GAS2L2: variants seen among roughly 807,000 people sequenced by gnomAD.
GAS2L2 encodes the protein GAS2-like protein 2.
In GAS2L2, 21 loss-of-function variants were observed where a neutral mutation model predicts 35.2. That is an observed-to-expected ratio of 0.60 (90% confidence interval 0.42 to 0.86). GAS2L2 has a LOEUF of 0.86. Among genes scored for constraint, GAS2L2 ranks in the 40% least tolerant of loss-of-function variants. The pLI is 0.00. For synonymous variants in GAS2L2, 490 were observed against 473.2 expected, an observed-to-expected ratio of 1.04 and a Z score of -0.46; for missense variants, 1,169 against 1,144.4, an observed-to-expected ratio of 1.02 and a Z score of -0.31.
chr17:35,748,730 A>G (rs1445800631), intron 3 of GAS2L2, among the ~76,000 whole-genome samples: 2 of 152,168 alleles, frequency 1.3e-5, no homozygotes, highest in African/African-American at 4.8e-5. Flanking sequence ...CTGTGGGTGG[A>G]GTGGAATGGA....
At position 35,753,121 on chromosome 17, in the gene GAS2L2, TG is replaced by T. The variant is rs1555600033; in HGVS notation, c.-272del. Among the ~76,000 whole-genome samples, 1 of 152,160 alleles carries T rather than the reference TG, an allele frequency of 6.6e-6. No individual in the cohort carries two copies. Among genetic ancestry groups the T allele is most frequent in the African/African-American group, 2.4e-5 (1 of 41,434 alleles). ...TTGCTCTCAGGCTGCCCAGTCCACT[TG>T]GAGTTCACCCCTCTGAGGCCAGATG... On this transcript the variant is annotated 5_prime_UTR_variant, in exon 1 of 6. Coordinates refer to ENST00000604641, the MANE Select transcript of GAS2L2 (RefSeq NM_139285.4).
At chr17:35,751,321 CT>C (rs1555599747) in intron 1 of GAS2L2, among the ~76,000 whole-genome samples, 2 of 152,294 alleles carry the variant, frequency 1.3e-5, no homozygotes. Context: ...GCCTTTGCCC[CT>C]GTCATCCCCC....
intron 3 of GAS2L2, 49 bp downstream of exon 3, chr17:35,749,061 G>T (rs782784871): frequency 1.6e-6 from 2 of 1,237,070 alleles, no homozygotes; most frequent in South Asian, 1.3e-5. Context: ...CCCAAGCCTG[G>T]GCAAGAAACC....
At position 35,745,233 on chromosome 17, in the gene GAS2L2, A is replaced by C; in HGVS notation, c.2264T>G (p.Leu755Arg). The C allele has an allele frequency of 6.2e-7, 1 of 1,605,826 alleles. No individual in the cohort carries two copies. The highest frequency in any genetic ancestry group is 8.5e-7 in the Non-Finnish European group (1 of 1,174,968). The change falls in exon 6 of 6, where the codon CTG becomes CGG. Residue 755 changes from leucine to arginine, a missense_variant. By Grantham distance (102) the Leu-to-Arg change is moderately radical. Transcript: ENST00000604641. ...CCGGAGAGTTCTCCTGCCCTTGCTC[A>C]GACATGCCTTGGCTTTGTCAGAGTT... ...DPNSDKAKAC[L>R]SKGRRTLRKP...
intron 4 of GAS2L2, among the ~76,000 whole-genome samples, chr17:35,747,519 AG>A (rs1192710384): frequency 3.9e-5 from 6 of 152,088 alleles, no homozygotes; most frequent in Admixed American, 6.6e-5. Context: ...GAGTGGCTGG[AG>A]GCGTTGATGG....
rs782400705 is a variant in GAS2L2, at chr17:35,750,188, C to A, written c.516G>T (p.Glu172Asp). 1.2e-6 allele frequency: 2 copies of A among 1,613,436 alleles called. No homozygotes were observed. The highest frequency in any genetic ancestry group is 4.5e-5 in the East Asian group (2 of 44,836). Residue 172 changes from glutamate to aspartate, a missense_variant, in exon 2 of 6, where the codon GAG becomes GAT. By Grantham distance (45) the Glu-to-Asp change is conservative (BLOSUM62 2). This residue lies in a region of GAS2L2 where 1,035 missense variants were observed against 976.5 expected (regional missense o/e 1.06). Coordinates refer to ENST00000604641, the MANE Select transcript of GAS2L2 (RefSeq NM_139285.4). Reference protein sequence around the residue: ...GVAAPTLVQLEEEIEEEVRRE... With the variant: ...GVAAPTLVQLDEEIEEEVRRE... ...GCCGCACCTCCTCCTCGATCTCCTC[C>A]TCCAGCTGCACGAGTGTGGGCGCCG... is the stretch of plus-strand genomic sequence containing the variant.
chr17:35,744,684 T>TG lies in GAS2L2; in HGVS notation c.*169dup, dbSNP rs1225467425. On this transcript the variant is annotated 3_prime_UTR_variant, in exon 6 of 6. Coordinates refer to ENST00000604641, the MANE Select transcript of GAS2L2 (RefSeq NM_139285.4). ...TGGAGTTGGAGTGAGAGCAGTGGGT[T>TG]GCCCCTTTGCTCAGATGAGCAGATG... 2 of 611,850 alleles carry TG rather than the reference T, an allele frequency of 3.3e-6. No homozygotes were observed. Among genetic ancestry groups the TG allele is most frequent in the Admixed American group, 5.9e-5 (2 of 33,974 alleles). The allele number at this position is 611,850 out of a possible 1,614,324, so 37.9% of individuals were successfully genotyped here. A position where few individuals can be genotyped will look rare whatever the true frequency, so the allele number is the denominator to read the frequency against.
Position 35,744,847 on chromosome 17 carries a change from A to T in GAS2L2, c.*7T>A, listed in dbSNP as rs782469622. The T allele has an allele frequency of 1.1e-5, 17 of 1,567,174 alleles. No homozygotes were observed. In the East Asian group the frequency reaches 4.0e-4, roughly 37 times the overall value. ...TGCTTCCCTCCTACCCAACACGCTC[A>T]TGTGCCTCAGACCCAGGACTCCTCC... On this transcript the variant is annotated 3_prime_UTR_variant, in exon 6 of 6. Coordinates refer to ENST00000604641, the MANE Select transcript of GAS2L2 (RefSeq NM_139285.4).
chr17:35,745,959 G>T lies in GAS2L2; in HGVS notation c.1538C>A (p.Pro513Gln), dbSNP rs1412217590. Residue 513 changes from proline (P) to glutamine (Q), a missense_variant, in exon 6 of 6, where the codon CCA becomes CAA. Physicochemically the swap from Pro to Gln is moderately conservative, Grantham distance 76 (BLOSUM62 -1). Coordinates refer to ENST00000604641, the MANE Select transcript of GAS2L2 (RefSeq NM_139285.4). ...IPIRLPPARP[P>Q]TPGRSFPGAT... Reference sequence around the variant, plus strand: ...ACCAGGAAAGCTCCTTCCTGGTGTTGGGGGGCGAGCAGGGGGCAGCCGGAT... The same window carrying T: ...ACCAGGAAAGCTCCTTCCTGGTGTTTGGGGGCGAGCAGGGGGCAGCCGGAT... 5 of 1,605,498 alleles carry T rather than the reference G, an allele frequency of 3.1e-6. No individual in the cohort carries two copies. In the African/African-American group the frequency reaches 6.7e-5, roughly 21 times the overall value.
chr17:35,749,347 G>A (rs1555599447), intron 2 of GAS2L2, 130 bp from the exon 3 acceptor site: 1 of 620,358 alleles, frequency 1.6e-6, no homozygotes, highest in East Asian at 2.7e-5. Context: ...AGCAAGGAGG[G>A]AGTAGATAAG....
chr17:35,745,602 C>A lies in GAS2L2; in HGVS notation c.1895G>T (p.Arg632Leu), dbSNP rs782306915. The A allele has an allele frequency of 6.2e-7, 1 of 1,613,820 alleles. No individual in the cohort carries two copies. The highest frequency in any genetic ancestry group is 8.5e-7 in the Non-Finnish European group (1 of 1,180,020). The part of the protein sequence containing the change: ...PQGTRSGVIP[R>L]SGVYIPRLAG... ...CAGCCTGGGGATGTAGACCCCACTGCGAGGGATGACCCCAGACCTTGTGCC... is the reference window on the plus strand; with the variant it reads ...CAGCCTGGGGATGTAGACCCCACTGAGAGGGATGACCCCAGACCTTGTGCC... The change falls in exon 6 of 6, where the codon CGC (arginine) becomes CTC (leucine). Residue 632 changes from arginine to leucine, a missense_variant. Transcript: ENST00000604641.
At position 35,752,868 on chromosome 17, in the gene GAS2L2, G is replaced by T; in HGVS notation, c.-18C>A. ...TGGGACATGGCTGGACCCCAGCAGGGCAGGAGGTGGGCACCTCCCCTCTCC... is the reference window on the plus strand; with the variant it reads ...TGGGACATGGCTGGACCCCAGCAGGTCAGGAGGTGGGCACCTCCCCTCTCC... On this transcript the variant is annotated 5_prime_UTR_variant, in exon 1 of 6. Transcript: ENST00000604641. 1.3e-6 allele frequency: 2 copies of T among 1,571,206 alleles called. No homozygotes were observed. Among genetic ancestry groups the T allele is most frequent in the Non-Finnish European group, 1.7e-6 (2 of 1,155,898 alleles).
In GAS2L2 at chr17:35,752,802, G is replaced by A. The variant is rs782097842; in HGVS notation, c.49C>T (p.Pro17Ser). The A allele has an allele frequency of 6.2e-7, 1 of 1,612,898 alleles. No individual in the cohort carries two copies. The highest frequency in any genetic ancestry group is 8.5e-7 in the Non-Finnish European group (1 of 1,179,574). ...TTGAAAGGCCGGATACTGCACACAGGCGGCCCTAGGGTCCTGGGCTTCCTC... is the reference window on the plus strand; with the variant it reads ...TTGAAAGGCCGGATACTGCACACAGACGGCCCTAGGGTCCTGGGCTTCCTC... ...GRRKPRTLGP[P>S]VCSIRPFKSS... Residue 17 changes from proline to serine, a missense_variant, in exon 1 of 6, where the codon CCT (proline) becomes TCT (serine). Coordinates refer to ENST00000604641, the MANE Select transcript of GAS2L2 (RefSeq NM_139285.4).
chr17:35,749,741 T>G (rs1209868458), intron 2 of GAS2L2, among the ~76,000 whole-genome samples: 1 of 152,116 alleles, frequency 6.6e-6, no homozygotes, highest in Non-Finnish European at 1.5e-5. Flanking sequence ...GTCACACAGC[T>G]GCAAAGCAGT....
At chr17:35,747,391 A>T (rs1450297618) in intron 4 of GAS2L2, 123 bp from the exon 5 acceptor site, 30 of 1,133,892 alleles carry the variant, frequency 2.6e-5, no homozygotes, top group Middle Eastern at 6.2e-4. Context: ...TGGGACCTAC[A>T]GTGGCAACAC....
rs991227913 is a variant in GAS2L2 at position 35,745,195 on chromosome 17, C to A, written c.2302G>T (p.Val768Phe). The change falls in exon 6 of 6, where the codon GTC (valine) becomes TTC (phenylalanine). Residue 768 changes from valine (V) to phenylalanine (F), a missense_variant. This residue lies in a region of GAS2L2 where 1,035 missense variants were observed against 976.5 expected (regional missense o/e 1.06). Transcript: ENST00000604641. Reference protein sequence around the residue: ...GRRTLRKPKRVPSIYKLKLRP... With the variant: ...GRRTLRKPKRFPSIYKLKLRP... ...AGCTTCAGCTTGTAGATGGACGGGA[C>A]CCTCTTGGGCTTCCGGAGAGTTCTC... 3.1e-6 allele frequency: 5 copies of A among 1,609,484 alleles called. No individual in the cohort carries two copies. Among genetic ancestry groups the A allele is most frequent in the Non-Finnish European group, 4.2e-6 (5 of 1,176,600 alleles).
At chr17:35,748,077 T>C (rs1332472150) in intron 3 of GAS2L2, 132 bp from the exon 4 acceptor site, 1 of 595,532 alleles carries the variant, frequency 1.7e-6, no homozygotes, top group African/African-American at 1.9e-5. Flanking sequence ...TGTATGTGTG[T>C]GCTGTAAAAA....
Position 35,752,604 on chromosome 17 carries a change from C to T in GAS2L2, c.247G>A (p.Ala83Thr). Residue 83 changes from alanine (A) to threonine (T), a missense_variant, in exon 1 of 6, where the codon GCA (alanine) becomes ACA (threonine). Physicochemically the swap from Ala to Thr is moderately conservative, Grantham distance 58 (BLOSUM62 0). This residue lies in a region of GAS2L2 where 127 missense variants were observed against 146.1 expected (regional missense o/e 0.87). Coordinates refer to ENST00000604641, the MANE Select transcript of GAS2L2 (RefSeq NM_139285.4). ...TDAALAFLAE[A>T]PAQAQKIPMP... ...GGAATCTTCTGGGCTTGGGCAGGTG[C>T]CTCAGCCAGGAAGGCCAGGGCAGCG... is the stretch of plus-strand genomic sequence containing the variant. The T allele has an allele frequency of 6.2e-7, 1 of 1,613,698 alleles. No homozygotes were observed. The highest frequency in any genetic ancestry group is 8.5e-7 in the Non-Finnish European group (1 of 1,179,632).
In GAS2L2 at chr17:35,752,914, C is replaced by T. The variant is rs915449268; in HGVS notation, c.-64G>A. ...TCTCCCACTGCCGCCTCTTTCCTCC[C>T]GCTGCTGCTGGGTCTCGGCTGGGTT... On this transcript the variant is annotated 5_prime_UTR_variant, in exon 1 of 6. Coordinates refer to ENST00000604641, the MANE Select transcript of GAS2L2 (RefSeq NM_139285.4). The T allele has an allele frequency of 3.3e-5, 50 of 1,498,040 alleles. No individual in the cohort carries two copies. Among genetic ancestry groups the T allele is most frequent in the Non-Finnish European group, 3.9e-5 (44 of 1,119,928 alleles). The allele number at this position is 1,498,040 out of a possible 1,614,324, so 92.8% of individuals were successfully genotyped here. A position where few individuals can be genotyped will look rare whatever the true frequency, so the allele number is the denominator to read the frequency against.
Sources: allele counts gnomAD v4.1 joint callset (sites outside exome capture counted in the v4.1 genomes callset), GRCh38; gene constraint gnomAD v4.1.1; regional missense constraint gnomAD v4.1.1; transcripts MANE v1.5; gene names NCBI Gene and HGNC (gene_info 2026-07-23, HGNC 2026-07-21).